The following HERC1 variants were observed in gnomAD, a reference collection of about 807,000 sequenced individuals.
HERC1 encodes HECT and RLD domain containing E3 ubiquitin protein ligase family member 1.
In HERC1, 160 loss-of-function variants were observed where a neutral mutation model predicts 554.3. The ratio of observed to expected loss-of-function variants is 0.29; its 90% CI spans 0.25 to 0.33. The LOEUF (loss-of-function observed/expected upper bound fraction) is 0.33. HERC1 is among the 10% of genes least tolerant of loss of function. The probability of loss-of-function intolerance (pLI) is 1.00; values close to 1 mark genes in which losing one functional copy is unlikely to be tolerated. For synonymous variants in HERC1, 2,175 were observed against 2,131.7 expected (o/e 1.02, Z -0.56); for missense variants, 4,919 against 5,918.5 (o/e 0.83, Z 5.54).
At chr15:63,647,748 C>G (rs2069433172) in intron 55 of HERC1, among the ~76,000 whole-genome samples, 1 of 152,038 alleles carries the variant, frequency 6.6e-6, no homozygotes, top group Non-Finnish European at 1.5e-5. Context: ...AAGTCAGACA[C>G]AGAAAGGCAA....
chr15:63,833,751 GCGCACACACACACACACACACACA>G (rs1341208538), intron 1 of HERC1, 52 bp downstream of exon 1: 1 of 72,320 alleles, frequency 1.4e-5, no homozygotes, highest in Non-Finnish European at 3.5e-5. Context: ...ACACGCGCGC[GCGCACACACACACACACACACACA>G]CACACACACA....
At chr15:63,776,976 C>T (rs2076136190) in intron 1 of HERC1, among the ~76,000 whole-genome samples, 1 of 152,082 alleles carries the variant, frequency 6.6e-6, no homozygotes, top group Admixed American at 6.5e-5. Flanking sequence ...AAATAAGATG[C>T]ATTGACATAT....
chr15:63,673,945 G>C (rs1158607387), intron 38 of HERC1, among the ~76,000 whole-genome samples: 1 of 152,166 alleles, frequency 6.6e-6, no homozygotes, highest in African/African-American at 2.4e-5. Context: ...GGCTGGTCTA[G>C]AACTCCTGGC....
chr15:63,682,266 AC>A (rs1479947765), intron 34 of HERC1, among the ~76,000 whole-genome samples: 2 of 152,234 alleles, frequency 1.3e-5, no homozygotes, highest in Admixed American at 6.5e-5. Flanking sequence ...TTGGTTTGCT[AC>A]CCCAGACGCT....
At chr15:63,805,138 C>A (rs1489179645) in intron 1 of HERC1, among the ~76,000 whole-genome samples, 1 of 152,112 alleles carries the variant, frequency 6.6e-6, no homozygotes, top group African/African-American at 2.4e-5. Context: ...GTATTTATAG[C>A]GTCTTTATTC....
chr15:63,629,092 G>A (rs1027692265), intron 69 of HERC1, among the ~76,000 whole-genome samples: 7 of 151,956 alleles, frequency 4.6e-5, no homozygotes, highest in African/African-American at 1.7e-4. Context: ...TGAGATTACA[G>A]GTGCCCGCCA....
intron 55 of HERC1, 111 bp from the exon 56 acceptor site, chr15:63,645,793 T>C (rs2069307606): frequency 1.5e-6 from 1 of 669,114 alleles, no homozygotes; most frequent in South Asian, 2.4e-5. Flanking sequence ...CTATAACTCA[T>C]TTATTTTGAA....
At chr15:63,712,715 C>T in intron 24 of HERC1, 60 bp downstream of exon 24, 1 of 1,512,192 alleles carries the variant, frequency 6.6e-7, no homozygotes, top group Non-Finnish European at 9.0e-7. Context: ...TAACCAAAGC[C>T]TTACATATCA....
At chr15:63,737,836 A>G (rs997718306) in intron 12 of HERC1, among the ~76,000 whole-genome samples, 2 of 152,122 alleles carry the variant, frequency 1.3e-5, no homozygotes, top group Non-Finnish European at 2.9e-5. Context: ...AAGCACACTG[A>G]TTTTCTAAGT....
At chr15:63,690,721 A>G in intron 31 of HERC1, 74 bp from the exon 32 acceptor site, 1 of 910,992 alleles carries the variant, frequency 1.1e-6, no homozygotes. Context: ...CTGGGAAAAA[A>G]ATTCCTGAGG....
In HERC1 at chr15:63,680,620, A is replaced by G. The variant is rs550494292; in HGVS notation, c.6382T>C (p.Leu2128=). The part of the protein sequence containing the change: ...LYHNGEQTLT[L]SSFTQGDFIT... ...AAATCTCCTTGAGTAAAGCTGGACA[A>G]TGTGAGAGTCTGTTCTCCATTGTGA... The change falls in exon 35 of 78, where the codon TTG becomes CTG. Residue 2128 remains leucine (L), a synonymous_variant. Coordinates refer to ENST00000443617, the MANE Select transcript of HERC1 (RefSeq NM_003922.4). The surrounding 1 kb of genome is among the most constrained non-coding windows in gnomAD (Gnocchi z 5.8). 2 of 1,613,826 alleles carry G rather than the reference A, an allele frequency of 1.2e-6. No homozygotes were observed. Among genetic ancestry groups the G allele is most frequent in the East Asian group, 2.2e-5 (1 of 44,876 alleles).
At chr15:63,730,228 A>G (rs576876334) in intron 14 of HERC1, among the ~76,000 whole-genome samples, 1 of 151,354 alleles carries the variant, frequency 6.6e-6, no homozygotes, top group South Asian at 2.1e-4. Context: ...GCCGAGGTGG[A>G]AAGACTGCCT....
intron 2 of HERC1, among the ~76,000 whole-genome samples, chr15:63,773,657 C>A (rs2076019884): frequency 6.6e-6 from 1 of 151,548 alleles, no homozygotes; most frequent in Non-Finnish European, 1.5e-5. Context: ...AATTCTCCTG[C>A]CTCAGCCTCC....
chr15:63,816,543 C>T (rs1004071420), intron 1 of HERC1, among the ~76,000 whole-genome samples: 1 of 152,202 alleles, frequency 6.6e-6, no homozygotes, highest in African/African-American at 2.4e-5. Context: ...AAAGAACAAA[C>T]ATCAGTGACC....
At chr15:63,750,044 C>T (rs1465976663) in intron 8 of HERC1, among the ~76,000 whole-genome samples, 1 of 152,220 alleles carries the variant, frequency 6.6e-6, no homozygotes, top group Non-Finnish European at 1.5e-5. Flanking sequence ...GAAAGGTCTT[C>T]TGAGAGGGTC....
chr15:63,613,306 CA>C (rs2067680766), intron 76 of HERC1, among the ~76,000 whole-genome samples: 6 of 152,216 alleles, frequency 3.9e-5, no homozygotes, highest in Non-Finnish European at 5.9e-5. Flanking sequence ...CTCTTAGCAT[CA>C]TAGTGCTGGG....
rs143640075 is a variant in HERC1, at chr15:63,765,756, C to A, written c.931-1565G>T. 2.6e-5 allele frequency among the ~76,000 whole-genome samples: 4 copies of A among 152,218 alleles called. No individual in the cohort carries two copies. The East Asian group carries it at 7.7e-4, about 29-fold the overall frequency. On this transcript the variant is annotated intron_variant, in intron 2 of 77. Coordinates refer to ENST00000443617, the MANE Select transcript of HERC1 (RefSeq NM_003922.4). The stretch of plus-strand genomic sequence containing the variant: ...TGTACTGATTGATATATTATGTCGC[C>A]CTAAAATGTATAAAAGCAAGCTGTA...
rs751845469 is a variant in HERC1 at position 63,623,854 on chromosome 15, C to T, written c.13482G>A (p.Ala4494=). The T allele has an allele frequency of 5.6e-6, 9 of 1,613,950 alleles. No homozygotes were observed. The highest frequency in any genetic ancestry group is 1.7e-5 in the Admixed American group (1 of 60,014). Residue 4494 remains alanine (A), a synonymous_variant, in exon 73 of 78, where the codon GCG becomes GCA. Transcript: ENST00000443617. ...RKCKPIFVQI[A]RQVVKLNASD... ...AAGCATTCAGCTTAACTACTTGTCTCGCTATTTGGACAAAAATAGGCTTAC... is the reference window on the plus strand; with the variant it reads ...AAGCATTCAGCTTAACTACTTGTCTTGCTATTTGGACAAAAATAGGCTTAC...
Position 63,666,591 on chromosome 15 carries a change from C to G in HERC1, c.8207-119G>C. ...AAGTTTAATGAAATTTTCCTCTACTCAGAATATGTGGCTGGGCACTGTGGC... is the reference window on the plus strand; with the variant it reads ...AAGTTTAATGAAATTTTCCTCTACTGAGAATATGTGGCTGGGCACTGTGGC... On this transcript the variant is annotated intron_variant, in intron 40 of 77. Transcript: ENST00000443617. The G allele has an allele frequency of 1.2e-5, 8 of 644,954 alleles. No individual in the cohort carries two copies. The South Asian group carries it at 1.6e-4, about 13-fold the overall frequency. 40.0% of individuals were successfully genotyped at this position (644,954 alleles called of 1,614,324 possible). A position where few individuals can be genotyped will look rare whatever the true frequency, so the allele number is the denominator to read the frequency against.
Sources: gnomAD v4.1 joint callset for allele counts (sites outside exome capture counted in the v4.1 genomes callset) on GRCh38, gnomAD v4.1.1 for gene constraint, Gnocchi (gnomAD v3.1) non-coding constraint, MANE v1.5 for transcripts, NCBI Gene and HGNC (gene_info 2026-07-23, HGNC 2026-07-21) for gene names.